The following AK5 variants were observed in gnomAD, a reference collection of about 807,000 sequenced individuals.
AK5 encodes the protein adenylate kinase isoenzyme 5.
AK5 carries 27 observed loss-of-function variants against 69.5 expected under a neutral mutation model. The ratio of observed to expected loss-of-function variants is 0.39; its 90% CI spans 0.29 to 0.54. The LOEUF is 0.54. AK5 is among the 20% of genes least tolerant of loss of function. AK5 has a pLI of 0.71. For missense variants in AK5, 531 were observed against 700.4 expected (o/e 0.76, Z 2.73); for synonymous variants, 260 against 244.4 (o/e 1.06, Z -0.60).
At chr1:77,288,622 GA>G (rs1225420191) in intron 2 of AK5, among the ~76,000 whole-genome samples, 3 of 152,054 alleles carry the variant, frequency 2.0e-5, no homozygotes, top group Non-Finnish European at 4.4e-5. Flanking sequence ...CATCTCTAAA[GA>G]AAAGAGTCCT....
intron 13 of AK5, among the ~76,000 whole-genome samples, chr1:77,552,970 T>G (rs1371172439): frequency 6.6e-6 from 1 of 152,074 alleles, no homozygotes; most frequent in Non-Finnish European, 1.5e-5. Flanking sequence ...AGCCCAGGAG[T>G]TAGAGGTTAC....
At chr1:77,438,347 C>T (rs997702162) in intron 8 of AK5, among the ~76,000 whole-genome samples, 8 of 128,704 alleles carry the variant, frequency 6.2e-5, no homozygotes, top group African/African-American at 2.0e-4. Context: ...GTTCAAATAA[C>T]GCCTAAGATG....
chr1:77,367,838 TATATATATTATATATAATATATA>T (rs1647017051), intron 6 of AK5, among the ~76,000 whole-genome samples: 3 of 988 alleles, frequency 3.0e-3, no homozygotes, highest in Non-Finnish European at 5.9e-3. Context: ...TAATATATGT[TATATATATTATATATAATATATA>T]ATATATGTGA....
At chr1:77,340,285 C>A in intron 5 of AK5, 92 bp from the exon 6 acceptor site, 2 of 1,267,652 alleles carry the variant, frequency 1.6e-6, no homozygotes, top group Non-Finnish European at 1.1e-6. Flanking sequence ...TATATGGCAG[C>A]CTCCACAGAA....
At chr1:77,555,023 G>T (rs1475786579) in intron 13 of AK5, among the ~76,000 whole-genome samples, 3 of 152,096 alleles carry the variant, frequency 2.0e-5, no homozygotes, top group African/African-American at 7.2e-5. Flanking sequence ...CTGGGCACCT[G>T]TAATCCCAGC....
chr1:77,553,987 A>G (rs7528552), intron 13 of AK5, among the ~76,000 whole-genome samples: 104,665 of 151,546 alleles, frequency 0.69, 37,398 homozygotes, highest in Non-Finnish European at 0.79. Flanking sequence ...AAAAAGGAAT[A>G]CAGTATTGAT....
intron 7 of AK5, among the ~76,000 whole-genome samples, chr1:77,413,145 C>T (rs1650162383): frequency 6.6e-6 from 1 of 152,172 alleles, no homozygotes; most frequent in African/African-American, 2.4e-5. Flanking sequence ...TGCAGTGGTC[C>T]TGTTACTGCC....
chr1:77,558,212 T>TAAAC (rs915779231), intron 13 of AK5, among the ~76,000 whole-genome samples: 1 of 152,188 alleles, frequency 6.6e-6, no homozygotes, highest in African/African-American at 2.4e-5. Context: ...CTCATTTGGG[T>TAAAC]AAACACCAAG....
At chr1:77,470,900 A>T (rs1654466059) in intron 8 of AK5, among the ~76,000 whole-genome samples, 2 of 24,340 alleles carry the variant, frequency 8.2e-5, no homozygotes, top group Non-Finnish European at 8.7e-5. Flanking sequence ...TTTTTTTTTG[A>T]GACAGAGTCT....
intron 6 of AK5, among the ~76,000 whole-genome samples, chr1:77,360,360 G>A (rs968845133): frequency 8.5e-5 from 13 of 152,178 alleles, no homozygotes; most frequent in Admixed American, 2.6e-4. Flanking sequence ...GCTTCTCTGA[G>A]AAGTCAAGCA....
chr1:77,450,125 C>T (rs968483110), intron 8 of AK5, among the ~76,000 whole-genome samples: 1 of 152,174 alleles, frequency 6.6e-6, no homozygotes, highest in African/African-American at 2.4e-5. Context: ...CAGTTCCCAA[C>T]AAGTTCCTCA....
At chr1:77,556,378 T>C (rs912742682) in intron 13 of AK5, among the ~76,000 whole-genome samples, 1 of 152,242 alleles carries the variant, frequency 6.6e-6, no homozygotes, top group African/African-American at 2.4e-5. Context: ...TTGAACCTTA[T>C]ATAAACTGAA....
chr1:77,483,292 T>A (rs766380667), intron 8 of AK5, 25 bp from the exon 9 acceptor site: 1 of 1,575,314 alleles, frequency 6.3e-7, no homozygotes, highest in East Asian at 2.2e-5. Flanking sequence ...GTTATTATTA[T>A]CTAATATTGT....
intron 5 of AK5, among the ~76,000 whole-genome samples, chr1:77,318,117 G>A (rs1660334363): frequency 6.6e-6 from 1 of 152,164 alleles, no homozygotes; most frequent in Non-Finnish European, 1.5e-5. Flanking sequence ...ACCTGAGACT[G>A]GGTAATTTAT....
intron 7 of AK5, among the ~76,000 whole-genome samples, chr1:77,415,842 T>G (rs1557575355): frequency 6.6e-6 from 1 of 152,238 alleles, no homozygotes; most frequent in African/African-American, 2.4e-5. Context: ...AGCTACTGGC[T>G]CTGCCTTTGG....
intron 10 of AK5, among the ~76,000 whole-genome samples, chr1:77,509,582 A>T (rs1373189478): frequency 6.6e-6 from 1 of 152,224 alleles, no homozygotes; most frequent in Non-Finnish European, 1.5e-5. Context: ...CCTTAACCCA[A>T]CATAGGGACC....
intron 8 of AK5, among the ~76,000 whole-genome samples, chr1:77,418,568 A>G (rs903457681): frequency 1.3e-5 from 2 of 152,120 alleles, no homozygotes; most frequent in African/African-American, 4.8e-5. Flanking sequence ...CAGCAGAAGA[A>G]CTCTCTCTGC....
intron 5 of AK5, among the ~76,000 whole-genome samples, chr1:77,309,673 G>T (rs915955487): frequency 6.6e-6 from 1 of 152,102 alleles, no homozygotes; most frequent in Non-Finnish European, 1.5e-5. Flanking sequence ...GATTAGAAGT[G>T]TTTCTGTATC....
chr1:77,365,500 G>T (rs961000393), intron 6 of AK5, among the ~76,000 whole-genome samples: 2 of 152,116 alleles, frequency 1.3e-5, no homozygotes. Context: ...AACCTCTTTG[G>T]CACAAGGGAC....
Sources: allele counts gnomAD v4.1 joint callset (sites outside exome capture counted in the v4.1 genomes callset), GRCh38; gene constraint gnomAD v4.1.1; transcripts MANE v1.5; gene names NCBI Gene and HGNC (gene_info 2026-07-23, HGNC 2026-07-21).